The following CPNE2 variants were observed in gnomAD, a reference collection of about 807,000 sequenced individuals.
CPNE2 encodes copine 2, also known as copine-2.
A neutral mutation model predicts 69.7 loss-of-function variants in CPNE2; 42 were observed. The ratio of observed to expected loss-of-function variants is 0.60; its 90% CI spans 0.47 to 0.78. The LOEUF (loss-of-function observed/expected upper bound fraction) is 0.78, where lower values mean the gene tolerates loss of function less well. Among genes scored for constraint, CPNE2 ranks in the 30% least tolerant of loss-of-function variants. The probability of loss-of-function intolerance (pLI) is 0.00; values close to 1 mark genes in which losing one functional copy is unlikely to be tolerated. For synonymous variants in CPNE2, 294 were observed against 289.8 expected, an observed-to-expected ratio of 1.01 and a Z score of -0.15; for missense variants, 587 against 732.0, an observed-to-expected ratio of 0.80 and a Z score of 2.29.
At chr16:57,133,821 A>G (rs2069856416) in intron 12 of CPNE2, among the ~76,000 whole-genome samples, 1 of 152,196 alleles carries the variant, frequency 6.6e-6, no homozygotes, top group African/African-American at 2.4e-5. Context: ...AGATGAGGTG[A>G]TAACAGCTGC....
At chr16:57,126,767 A>G (rs1310489057) in intron 11 of CPNE2, among the ~76,000 whole-genome samples, 7 of 152,218 alleles carry the variant, frequency 4.6e-5, no homozygotes, top group African/African-American at 1.7e-4. Flanking sequence ...TACAACATGC[A>G]GAGCAAGGGA....
intron 8 of CPNE2, 27 bp downstream of exon 8, chr16:57,121,218 C>G: frequency 6.3e-7 from 1 of 1,597,808 alleles, no homozygotes; most frequent in Non-Finnish European, 8.6e-7. Flanking sequence ...TACTGTAACC[C>G]CAAGACCTCA....
intron 14 of CPNE2, among the ~76,000 whole-genome samples, chr16:57,139,512 G>A (rs1339458057): frequency 1.3e-5 from 2 of 152,194 alleles, no homozygotes; most frequent in Non-Finnish European, 2.9e-5. Context: ...GGCAAGAAGA[G>A]GGTCTTTTTG....
In CPNE2 at chr16:57,113,197, T is replaced by C. The variant is rs1302291927; in HGVS notation, c.181-91T>C. 5 of 1,222,346 alleles carry C rather than the reference T, an allele frequency of 4.1e-6. No homozygotes were observed. In the African/African-American group the frequency reaches 4.5e-5, roughly 11 times the overall value. The allele number at this position is 1,222,346 out of a possible 1,614,324, so 75.7% of individuals were successfully genotyped here. On this transcript the variant is annotated intron_variant, in intron 2 of 15. Coordinates refer to ENST00000290776, the MANE Select transcript of CPNE2 (RefSeq NM_152727.6). ...CAAGAGCCTGGCACAGAGTAGGCAT[T>C]GTACAAGTTAGCAGAATGATTTCCA... is the stretch of plus-strand genomic sequence containing the variant.
In CPNE2 at chr16:57,137,204, C is replaced by T. The variant is rs113564120; in HGVS notation, c.1224C>T (p.Tyr408=). Residue 408 remains tyrosine, a synonymous_variant, in exon 14 of 16, where the codon TAC becomes TAT. Transcript: ENST00000290776. Reference sequence around the variant, plus strand: ...CTTGCCTGCCCCACATCCGCTTCTACGGTCCTACCAATTTCTCCCCCATCG... The same window carrying T: ...CTTGCCTGCCCCACATCCGCTTCTATGGTCCTACCAATTTCTCCCCCATCG... ...YSACLPHIRF[Y]GPTNFSPIVN... The T allele has an allele frequency of 2.1e-4, 331 of 1,614,254 alleles. 5 individuals are homozygous for T. The East Asian group carries it at 6.8e-3, about 33-fold the overall frequency.
rs114756673 is a variant in CPNE2, at chr16:57,137,645, C to G, written c.1302+363C>G. ...CTGAGCCACCTAGTTCCAATCAGAG[C>G]TGCCCCTGCCTTACACTGAGGGCTG... On this transcript the variant is annotated intron_variant, in intron 14 of 15. Coordinates refer to ENST00000290776, the MANE Select transcript of CPNE2 (RefSeq NM_152727.6). Among the ~76,000 whole-genome samples the G allele has an allele frequency of 4.3e-3, 656 of 152,346 alleles. 8 individuals carry two copies. Among genetic ancestry groups the G allele is most frequent in the African/African-American group, 0.015 (637 of 41,574 alleles).
At chr16:57,098,668 C>T (rs575139261) in intron 1 of CPNE2, among the ~76,000 whole-genome samples, 4 of 152,294 alleles carry the variant, frequency 2.6e-5, no homozygotes, top group Admixed American at 6.5e-5. Flanking sequence ...CCTCTAGTCC[C>T]GGGCCTCTAC....
Position 57,138,854 on chromosome 16 carries a change from G to A in CPNE2, c.1302+1572G>A, listed in dbSNP as rs566788651. 2.6e-5 allele frequency among the ~76,000 whole-genome samples: 4 copies of A among 152,344 alleles called. No individual in the cohort carries two copies. In the South Asian group the frequency reaches 8.3e-4, roughly 32 times the overall value. Reference sequence around the variant, plus strand: ...AGCTCAGTCAGAGCCTCCTCCCCCAGGGAAAGGGACCTGGTCCCATGCCTA... The same window carrying A: ...AGCTCAGTCAGAGCCTCCTCCCCCAAGGAAAGGGACCTGGTCCCATGCCTA... On this transcript the variant is annotated intron_variant, in intron 14 of 15. Transcript: ENST00000290776.
rs141408482 is a variant in CPNE2 at position 57,107,526 on chromosome 16, C to T, written c.-35-3182C>T. Among the ~76,000 whole-genome samples the T allele has an allele frequency of 1.6e-4, 24 of 152,258 alleles. No homozygotes were observed. The South Asian group carries it at 1.9e-3, about 12-fold the overall frequency. On this transcript the variant is annotated intron_variant, in intron 1 of 15. Coordinates refer to ENST00000290776, the MANE Select transcript of CPNE2 (RefSeq NM_152727.6). ...AAGAGGCTGGCGCTCCAGAGTGCAC[C>T]GTGGCCTGGGTGAAAGAGAGGAGGA...
rs1597498836 is a variant in CPNE2, at chr16:57,123,272, G to T, written c.868-142G>T. On this transcript the variant is annotated intron_variant, in intron 9 of 15. Transcript: ENST00000290776. ...AAGGCTTTGTTATAGAGAGATTTGG[G>T]TTTTGTTGTAATTAGATCAGGCCCA... 6.2e-6 allele frequency: 5 copies of T among 806,444 alleles called. No homozygotes were observed. In the African/African-American group the frequency reaches 6.8e-5, roughly 11 times the overall value. 50.0% of individuals were successfully genotyped at this position (806,444 alleles called of 1,614,324 possible). A position where few individuals can be genotyped will look rare whatever the true frequency, so the allele number is the denominator to read the frequency against.
chr16:57,147,686 G>A lies in CPNE2; in HGVS notation c.*28G>A. The A allele has an allele frequency of 1.3e-6, 2 of 1,517,710 alleles. No homozygotes were observed. The highest frequency in any genetic ancestry group is 9.0e-7 in the Non-Finnish European group (1 of 1,107,502). The allele number at this position is 1,517,710 out of a possible 1,614,324, so 94.0% of individuals were successfully genotyped here. Reference sequence around the variant, plus strand: ...TCCAGTGCCCAGCAGCAGCATGTCAGCTGAGCCTCCTGCCCTCCCCCAGGA... The same window carrying A: ...TCCAGTGCCCAGCAGCAGCATGTCAACTGAGCCTCCTGCCCTCCCCCAGGA... On this transcript the variant is annotated 3_prime_UTR_variant, in exon 16 of 16. Coordinates refer to ENST00000290776, the MANE Select transcript of CPNE2 (RefSeq NM_152727.6).
At chr16:57,113,166 T>C (rs1405329652) in intron 2 of CPNE2, 122 bp from the exon 3 acceptor site, 2 of 897,144 alleles carry the variant, frequency 2.2e-6, no homozygotes, top group African/African-American at 3.3e-5. Context: ...TCACTGACGA[T>C]GACCACAAGA....
intron 14 of CPNE2, among the ~76,000 whole-genome samples, chr16:57,139,223 GT>G (rs1198028539): frequency 1.3e-5 from 2 of 152,196 alleles, no homozygotes; most frequent in Non-Finnish European, 2.9e-5. Flanking sequence ...GTCGAAGTGA[GT>G]TTTTCTTGCT....
chr16:57,137,384 C>G, intron 14 of CPNE2, 102 bp downstream of exon 14: 1 of 1,402,974 alleles, frequency 7.1e-7, no homozygotes, highest in Non-Finnish European at 9.7e-7. Context: ...TCCTAGTGGA[C>G]ACCTCTGGGC....
chr16:57,094,498 T>C (rs1567663233), intron 1 of CPNE2, among the ~76,000 whole-genome samples: 1 of 152,202 alleles, frequency 6.6e-6, no homozygotes, highest in Non-Finnish European at 1.5e-5. Context: ...TGTAAAACAG[T>C]AAGTACTGGA....
At chr16:57,114,207 A>G (rs976379215) in intron 3 of CPNE2, among the ~76,000 whole-genome samples, 4 of 152,208 alleles carry the variant, frequency 2.6e-5, no homozygotes, top group African/African-American at 9.6e-5. Context: ...ACCCTGTGGT[A>G]TAACTGAGAA....
chr16:57,095,087 G>A (rs1186073391), intron 1 of CPNE2, among the ~76,000 whole-genome samples: 2 of 152,140 alleles, frequency 1.3e-5, no homozygotes, highest in African/African-American at 4.8e-5. Flanking sequence ...ACCGAATCAG[G>A]AGCAAAACAC....
chr16:57,124,845 C>G, intron 10 of CPNE2: 2 of 225,228 alleles, frequency 8.9e-6, no homozygotes, highest in Admixed American at 1.0e-4. Flanking sequence ...CCCACCACTG[C>G]CCCCTCCCCT....
Position 57,146,540 on chromosome 16 carries a change from A to G in CPNE2, c.1539+219A>G. 2 of 553,078 alleles carry G rather than the reference A, an allele frequency of 3.6e-6. No individual in the cohort carries two copies. The highest frequency in any genetic ancestry group is 6.5e-6 in the Non-Finnish European group (2 of 309,466). 34.3% of individuals were successfully genotyped at this position (553,078 alleles called of 1,614,324 possible). On this transcript the variant is annotated intron_variant, in intron 15 of 15. Transcript: ENST00000290776. The surrounding 1 kb of genome is among the most constrained non-coding windows in gnomAD (Gnocchi z 4.4). ...TGTGAGCACTTGCTTCCACAAACTGATGGAACATGGAGCCGTGGGCATCTA... is the reference window on the plus strand; with the variant it reads ...TGTGAGCACTTGCTTCCACAAACTGGTGGAACATGGAGCCGTGGGCATCTA...
Sources: allele counts gnomAD v4.1 joint callset (sites outside exome capture counted in the v4.1 genomes callset), GRCh38; gene constraint gnomAD v4.1.1; non-coding constraint Gnocchi (gnomAD v3.1); transcripts MANE v1.5; gene names NCBI Gene and HGNC (gene_info 2026-07-23, HGNC 2026-07-21).